CRB1: variants seen among roughly 807,000 people sequenced by gnomAD.
CRB1 encodes crumbs cell polarity complex component 1.
A neutral mutation model predicts 120.0 loss-of-function variants in CRB1; 83 were observed. That is an observed-to-expected ratio of 0.69 (90% CI 0.58 to 0.83). The LOEUF (loss-of-function observed/expected upper bound fraction) is 0.83. Among genes scored for constraint, CRB1 ranks in the 40% least tolerant of loss-of-function variants. The pLI, the probability that CRB1 is intolerant of heterozygous loss-of-function variation, is 0.00. For missense variants in CRB1, 1,699 were observed against 1,687.6 expected (o/e 1.01, Z -0.12); for synonymous variants, 625 against 612.5 (o/e 1.02, Z -0.30).
At position 197,349,585 on chromosome 1, in the gene CRB1, G is replaced by A. The variant is rs752987999; in HGVS notation, c.988+2106G>A. Among the ~76,000 whole-genome samples the A allele has an allele frequency of 6.6e-4, 100 of 152,290 alleles. 1 individual carries two copies. The highest frequency in any genetic ancestry group is 1.3e-3 in the Non-Finnish European group (87 of 68,018). On this transcript the variant is annotated intron_variant, in intron 4 of 11. Transcript: ENST00000367400. ...CTTGTGGGTGGAAAGGAAACCTGGA[G>A]ACTAGTCAATCTAATCAGTAGTAGC...
chr1:197,339,640 G>T (rs1659343625), intron 2 of CRB1, among the ~76,000 whole-genome samples: 1 of 152,160 alleles, frequency 6.6e-6, no homozygotes, highest in Admixed American at 6.5e-5. Flanking sequence ...CCACTGTAAA[G>T]AATGATGAAG....
chr1:197,316,674 T>A (rs1301688272), intron 1 of CRB1, among the ~76,000 whole-genome samples: 1 of 152,240 alleles, frequency 6.6e-6, no homozygotes, highest in Non-Finnish European at 1.5e-5. Flanking sequence ...TGCCAAAATT[T>A]AATGTCACAT....
chr1:197,255,097 G>A, the CRB1 span, among the ~76,000 whole-genome samples: 2 of 151,946 alleles, frequency 1.3e-5, no homozygotes, highest in African/African-American at 2.4e-5. Flanking sequence ...GCCTGCATCC[G>A]TTTCTCTTTC....
intron 5 of CRB1, among the ~76,000 whole-genome samples, chr1:197,370,269 T>G (rs1332231562): frequency 6.6e-6 from 1 of 152,120 alleles, no homozygotes; most frequent in African/African-American, 2.4e-5. Flanking sequence ...TTTATACTTT[T>G]GTTGACAGAA....
intron 1 of CRB1, among the ~76,000 whole-genome samples, chr1:197,292,283 T>G (rs1335192022): frequency 6.6e-6 from 1 of 152,100 alleles, no homozygotes; most frequent in African/African-American, 2.4e-5. Flanking sequence ...GAGAATACTA[T>G]AAACACCTCT....
At chr1:197,456,617 AT>A (rs1666297879) in intron 11 of CRB1, among the ~76,000 whole-genome samples, 1 of 152,068 alleles carries the variant, frequency 6.6e-6, no homozygotes, top group African/African-American at 2.4e-5. Context: ...TAAGAACCCA[AT>A]GCACAGAAAC....
chr1:197,307,255 C>G (rs1168214923), intron 1 of CRB1, among the ~76,000 whole-genome samples: 1 of 152,146 alleles, frequency 6.6e-6, no homozygotes, highest in Non-Finnish European at 1.5e-5. Flanking sequence ...TTCTAAGCAG[C>G]TAAAACCTTG....
chr1:197,412,772 G>C (rs1336841303), intron 5 of CRB1, among the ~76,000 whole-genome samples: 1 of 152,186 alleles, frequency 6.6e-6, no homozygotes, highest in Non-Finnish European at 1.5e-5. Context: ...CACTCACATA[G>C]TGGCAGTCAA....
At chr1:197,434,638 T>C in intron 8 of CRB1, 68 bp from the exon 9 acceptor site, 12 of 1,322,708 alleles carry the variant, frequency 9.1e-6, no homozygotes, top group Middle Eastern at 2.3e-4. Flanking sequence ...TCATTACTAT[T>C]AATAACGGTA....
intron 2 of CRB1, among the ~76,000 whole-genome samples, chr1:197,332,331 G>T (rs1360186139): frequency 6.6e-6 from 1 of 152,018 alleles, no homozygotes; most frequent in Non-Finnish European, 1.5e-5. Flanking sequence ...TAACACTTAG[G>T]TCCACAATGA....
chr1:197,250,148 A>G, the CRB1 span, among the ~76,000 whole-genome samples: 1 of 151,978 alleles, frequency 6.6e-6, no homozygotes, highest in Non-Finnish European at 1.5e-5. Context: ...ATGTAGTCAC[A>G]CCTGTATTCT....
chr1:197,476,989 C>A (rs571674990), intron 11 of CRB1, among the ~76,000 whole-genome samples: 1 of 152,302 alleles, frequency 6.6e-6, no homozygotes, highest in Non-Finnish European at 1.5e-5. Context: ...GTAAAAATAA[C>A]AACTTTGAGA....
chr1:197,340,302 C>T (rs1032007584), intron 2 of CRB1, among the ~76,000 whole-genome samples: 3 of 152,028 alleles, frequency 2.0e-5, no homozygotes, highest in Non-Finnish European at 2.9e-5. Flanking sequence ...CTATATGCAG[C>T]CTGGAGTCTT....
the CRB1 span, among the ~76,000 whole-genome samples, chr1:197,223,667 A>G: frequency 6.6e-6 from 1 of 152,184 alleles, no homozygotes; most frequent in Non-Finnish European, 1.5e-5. Flanking sequence ...GTTGTATACT[A>G]TGAACAATTT....
intron 11 of CRB1, among the ~76,000 whole-genome samples, chr1:197,453,547 GAGAC>G (rs200124039): frequency 0.15 from 17,369 of 115,486 alleles, 1,235 homozygotes; most frequent in Middle Eastern, 0.28. Context: ...TATAGAGAGA[GAGAC>G]AGAGAGAGAG....
chr1:197,434,654 G>A (rs1665035740), intron 8 of CRB1, 52 bp from the exon 9 acceptor site: 4 of 1,504,254 alleles, frequency 2.7e-6, no homozygotes, highest in Non-Finnish European at 1.8e-6. Context: ...CGGTAATTAA[G>A]CAAACTATAG....
chr1:197,267,328 T>C (rs962208392), upstream of CRB1, among the ~76,000 whole-genome samples: 5 of 152,198 alleles, frequency 3.3e-5, no homozygotes, highest in African/African-American at 1.2e-4. Context: ...TAAATCCTAC[T>C]TCAGCAAGTA....
At chr1:197,204,002 A>AGGAT in the CRB1 span, among the ~76,000 whole-genome samples, 1 of 151,856 alleles carries the variant, frequency 6.6e-6, no homozygotes, top group African/African-American at 2.4e-5. Context: ...ATGCCTTTGC[A>AGGAT]TCCTCATAGT....
intron 1 of CRB1, among the ~76,000 whole-genome samples, chr1:197,272,736 G>C (rs939830096): frequency 2.6e-5 from 4 of 152,144 alleles, no homozygotes; most frequent in Non-Finnish European, 4.4e-5. Flanking sequence ...CAAAATTATA[G>C]AGACATGGAA....
Sources: gnomAD v4.1 joint callset for allele counts (sites outside exome capture counted in the v4.1 genomes callset) on GRCh38, gnomAD v4.1.1 for gene constraint, MANE v1.5 for transcripts, NCBI Gene and HGNC (gene_info 2026-07-23, HGNC 2026-07-21) for gene names.